Variants in DGKI observed in about 807,000 individuals in gnomAD.
DGKI encodes the protein diacylglycerol kinase iota.
Under a neutral mutation model 147.5 loss-of-function variants are expected in DGKI, and 55 were observed. The observed-to-expected ratio is 0.37, with a 90% CI of 0.30 to 0.47. The LOEUF is 0.47. Ranked by LOEUF, DGKI falls within the 20% of genes least tolerant of loss-of-function variation. The pLI is 1.00. For synonymous variants in DGKI, 469 were observed against 477.1 expected, an observed-to-expected ratio of 0.98 and a Z score of 0.22; for missense variants, 1,007 against 1,323.8, an observed-to-expected ratio of 0.76 and a Z score of 3.71.
chr7:137,527,088 C>A (rs1817175737), intron 20 of DGKI, among the ~76,000 whole-genome samples: 1 of 152,080 alleles, frequency 6.6e-6, no homozygotes, highest in African/African-American at 2.4e-5. Context: ...AATTTAGTTC[C>A]AATCTAAATG....
chr7:137,482,692 C>T (rs1033237005), intron 23 of DGKI, among the ~76,000 whole-genome samples: 1 of 152,046 alleles, frequency 6.6e-6, no homozygotes, highest in Non-Finnish European at 1.5e-5. Context: ...AACCAGTTCT[C>T]CTTGCCCTGC....
chr7:137,623,936 G>A (rs557728628), intron 6 of DGKI, among the ~76,000 whole-genome samples: 29 of 152,084 alleles, frequency 1.9e-4, no homozygotes, highest in South Asian at 4.2e-4. Flanking sequence ...TCATCTCAGA[G>A]GGTCTATACA....
At chr7:137,672,448 A>G (rs2116356630) in intron 3 of DGKI, among the ~76,000 whole-genome samples, 1 of 152,324 alleles carries the variant, frequency 6.6e-6, no homozygotes, top group South Asian at 2.1e-4. Flanking sequence ...TTGTGTGAGC[A>G]TTTCTCAAAC....
At chr7:137,576,162 C>T (rs558795012) in intron 17 of DGKI, among the ~76,000 whole-genome samples, 3 of 151,644 alleles carry the variant, frequency 2.0e-5, no homozygotes, top group South Asian at 2.1e-4. Flanking sequence ...CTCAGCCTCC[C>T]GAGTAGCTGG....
At position 137,403,208 on chromosome 7, in the gene DGKI, C is replaced by T. The variant is rs2128896605; in HGVS notation, c.2920+4667G>A. 2.0e-5 allele frequency among the ~76,000 whole-genome samples: 3 copies of T among 152,282 alleles called. No individual in the cohort carries two copies. In the South Asian group the frequency reaches 6.2e-4, roughly 32 times the overall value. On this transcript the variant is annotated intron_variant, in intron 30 of 32. Coordinates refer to ENST00000614521, the MANE Select transcript of DGKI (RefSeq NM_001321708.2). ...AGTCTCTGTGGAATTATTAACTCTT[C>T]CTCCCCGAGTCTCTTTTCAACTCTC...
chr7:137,638,619 C>CATAT (rs1486193040), intron 6 of DGKI, among the ~76,000 whole-genome samples: 14,819 of 19,930 alleles, frequency 0.74, 6,927 homozygotes, highest in Middle Eastern at 0.9. Context: ...TATACACACA[C>CATAT]ACATATATAT....
intron 27 of DGKI, among the ~76,000 whole-genome samples, chr7:137,451,811 C>T (rs1813972123): frequency 6.6e-6 from 1 of 152,110 alleles, no homozygotes. Context: ...TTCAATAACA[C>T]TGTCCAGTTT....
intron 1 of DGKI, among the ~76,000 whole-genome samples, chr7:137,759,138 A>C (rs549069825): frequency 1.3e-5 from 2 of 152,092 alleles, no homozygotes; most frequent in African/African-American, 2.4e-5. Context: ...TGGAGCTCTC[A>C]GTGTCTATTA....
Position 137,398,509 on chromosome 7 carries a change from T to C in DGKI, c.2921-1096A>G, listed in dbSNP as rs181763495. ...ACACAGTTCAAGGTACTGAGTATTT[T>C]TGTCTTTAGAAAGACGATCCTGGGA... On this transcript the variant is annotated intron_variant, in intron 30 of 32. Coordinates refer to ENST00000614521, the MANE Select transcript of DGKI (RefSeq NM_001321708.2). Among the ~76,000 whole-genome samples the C allele has an allele frequency of 3.9e-5, 6 of 152,324 alleles. No homozygotes were observed. The East Asian group carries it at 1.2e-3, about 29-fold the overall frequency.
intron 1 of DGKI, among the ~76,000 whole-genome samples, chr7:137,780,447 T>C (rs1296805664): frequency 6.6e-6 from 1 of 152,178 alleles, no homozygotes; most frequent in Non-Finnish European, 1.5e-5. Context: ...AATCTATCAT[T>C]GTAAGCAATT....
At chr7:137,391,361 A>G (rs1416132493) in intron 32 of DGKI, 25 bp from the exon 33 acceptor site, 1 of 1,467,354 alleles carries the variant, frequency 6.8e-7, no homozygotes, top group Non-Finnish European at 9.2e-7. Context: ...TGAGAAAAAA[A>G]AAAAGAGAGA....
At chr7:137,650,871 G>C (rs576263699) in intron 5 of DGKI, among the ~76,000 whole-genome samples, 2 of 152,328 alleles carry the variant, frequency 1.3e-5, no homozygotes, top group South Asian at 4.2e-4. Flanking sequence ...GTAAGAAACA[G>C]TCACGCAAAG....
intron 1 of DGKI, among the ~76,000 whole-genome samples, chr7:137,710,643 A>G (rs1427502682): frequency 1.3e-5 from 2 of 152,186 alleles, no homozygotes; most frequent in Admixed American, 1.3e-4. Flanking sequence ...TTAAAAATGG[A>G]AATGTGAAAT....
At chr7:137,393,100 A>G in intron 32 of DGKI, among the ~76,000 whole-genome samples, 1 of 152,306 alleles carries the variant, frequency 6.6e-6, no homozygotes, top group Non-Finnish European at 1.5e-5. Context: ...GGATCATTAC[A>G]AGTTTAATGA....
intron 3 of DGKI, among the ~76,000 whole-genome samples, chr7:137,663,923 T>C (rs1463157295): frequency 6.6e-6 from 1 of 150,796 alleles, no homozygotes; most frequent in Non-Finnish European, 1.5e-5. Context: ...CACTTAACCC[T>C]CAATCAGCCC....
At chr7:137,415,834 A>T (rs1281856150) in intron 28 of DGKI, among the ~76,000 whole-genome samples, 2 of 152,040 alleles carry the variant, frequency 1.3e-5, no homozygotes, top group African/African-American at 2.4e-5. Context: ...AAAAAAATAT[A>T]AAAAATTGGC....
intron 21 of DGKI, among the ~76,000 whole-genome samples, chr7:137,507,580 G>A (rs958331775): frequency 6.6e-6 from 1 of 152,110 alleles, no homozygotes; most frequent in Non-Finnish European, 1.5e-5. Context: ...AATATATATT[G>A]CATATACAAA....
At chr7:137,717,288 G>A (rs572607940) in intron 1 of DGKI, among the ~76,000 whole-genome samples, 8 of 152,278 alleles carry the variant, frequency 5.3e-5, no homozygotes, top group South Asian at 4.1e-4. Flanking sequence ...GCACAGACAC[G>A]CCTTTTTTGG....
intron 1 of DGKI, among the ~76,000 whole-genome samples, chr7:137,780,890 G>A (rs2116886426): frequency 6.6e-6 from 1 of 152,318 alleles, no homozygotes; most frequent in South Asian, 2.1e-4. Flanking sequence ...TTCAATCAAG[G>A]AGAGCCAGTG....
Sources: allele counts gnomAD v4.1 joint callset (sites outside exome capture counted in the v4.1 genomes callset), GRCh38; gene constraint gnomAD v4.1.1; transcripts MANE v1.5; gene names NCBI Gene and HGNC (gene_info 2026-07-23, HGNC 2026-07-21).